Variants in SLC9A9 observed in about 807,000 individuals in gnomAD.
SLC9A9 encodes solute carrier family 9 member A9.
SLC9A9 carries 62 observed loss-of-function variants against 77.8 expected under a neutral mutation model. That is an observed-to-expected ratio of 0.80 (90% confidence interval 0.65 to 0.98). The LOEUF (loss-of-function observed/expected upper bound fraction) is 0.98. SLC9A9 is among the 50% of genes least tolerant of loss of function. SLC9A9 has a pLI of 0.00. For synonymous variants in SLC9A9, 320 were observed against 283.5 expected, an observed-to-expected ratio of 1.13 and a Z score of -1.29; for missense variants, 775 against 774.9, an observed-to-expected ratio of 1.00 and a Z score of 0.00.
chr3:143,697,244 C>T (rs1317043085), intron 4 of SLC9A9, among the ~76,000 whole-genome samples: 5 of 152,046 alleles, frequency 3.3e-5, no homozygotes, highest in Non-Finnish European at 7.4e-5. Flanking sequence ...ATGATTATAT[C>T]TAATTTTATA....
At chr3:143,722,966 C>A (rs772149894) in intron 4 of SLC9A9, among the ~76,000 whole-genome samples, 2 of 152,160 alleles carry the variant, frequency 1.3e-5, no homozygotes, top group Non-Finnish European at 2.9e-5. Context: ...CCAGTTGTAA[C>A]TTTCGCCAAT....
At chr3:143,464,152 G>T (rs2108566890) in intron 12 of SLC9A9, among the ~76,000 whole-genome samples, 1 of 152,280 alleles carries the variant, frequency 6.6e-6, no homozygotes, top group East Asian at 1.9e-4. Flanking sequence ...TTGTCTTCGT[G>T]TCTCTTGGGT....
At chr3:143,507,508 A>G (rs1334511380) in intron 9 of SLC9A9, among the ~76,000 whole-genome samples, 2 of 152,158 alleles carry the variant, frequency 1.3e-5, no homozygotes, top group African/African-American at 4.8e-5. Flanking sequence ...CGCCTGGCCC[A>G]GCCTCTCTCA....
intron 9 of SLC9A9, among the ~76,000 whole-genome samples, chr3:143,514,598 C>T (rs978959383): frequency 1.3e-5 from 2 of 152,356 alleles, no homozygotes; most frequent in Middle Eastern, 3.4e-3. Flanking sequence ...CTTGCTACAG[C>T]TTCTACATCA....
intron 14 of SLC9A9, among the ~76,000 whole-genome samples, chr3:143,340,539 A>G (rs2032065797): frequency 6.6e-6 from 1 of 151,980 alleles, no homozygotes; most frequent in African/African-American, 2.4e-5. Flanking sequence ...CATTGCAACC[A>G]CTCTATAGCT....
chr3:143,659,411 AC>A (rs1417219165), intron 5 of SLC9A9, among the ~76,000 whole-genome samples: 1 of 152,228 alleles, frequency 6.6e-6, no homozygotes, highest in East Asian at 1.9e-4. Flanking sequence ...GGCTTCCCAA[AC>A]AAATGTTTCT....
At chr3:143,819,467 G>A (rs143300658) in intron 2 of SLC9A9, among the ~76,000 whole-genome samples, 98 of 152,240 alleles carry the variant, frequency 6.4e-4, no homozygotes, top group African/African-American at 2.3e-3. Flanking sequence ...CAGAAGCCCT[G>A]GTCCTAATTG....
chr3:143,323,004 A>T (rs1372314801), intron 14 of SLC9A9, among the ~76,000 whole-genome samples: 1 of 152,228 alleles, frequency 6.6e-6, no homozygotes, highest in Non-Finnish European at 1.5e-5. Context: ...TAATCATCAG[A>T]GAAATGCAAA....
chr3:143,369,759 G>C (rs965900090), intron 13 of SLC9A9, among the ~76,000 whole-genome samples: 41 of 152,202 alleles, frequency 2.7e-4, no homozygotes, highest in African/African-American at 9.4e-4. Flanking sequence ...GAATATAGCA[G>C]AAATGATGGT....
chr3:143,315,209 C>T (rs533967842), intron 14 of SLC9A9, among the ~76,000 whole-genome samples: 18 of 152,298 alleles, frequency 1.2e-4, no homozygotes, highest in Middle Eastern at 3.4e-3. Flanking sequence ...CCAGTAAAGA[C>T]AAGTTGTAGT....
At chr3:143,393,056 G>A (rs1474835511) in intron 12 of SLC9A9, among the ~76,000 whole-genome samples, 2 of 152,114 alleles carry the variant, frequency 1.3e-5, no homozygotes, top group Non-Finnish European at 2.9e-5. Flanking sequence ...AGTTAACAAG[G>A]ATATCCAGGA....
chr3:143,424,226 C>T (rs2034361868), intron 12 of SLC9A9, among the ~76,000 whole-genome samples: 1 of 150,942 alleles, frequency 6.6e-6, no homozygotes. Context: ...AAGTGAACAA[C>T]TTACTGTGAA....
intron 9 of SLC9A9, among the ~76,000 whole-genome samples, chr3:143,543,872 A>G (rs1026021714): frequency 1.3e-5 from 2 of 152,146 alleles, no homozygotes; most frequent in African/African-American, 4.8e-5. Context: ...TTTTTCATAG[A>G]CTAATTTTCC....
intron 13 of SLC9A9, among the ~76,000 whole-genome samples, chr3:143,366,919 A>T (rs917278313): frequency 6.6e-6 from 1 of 152,202 alleles, no homozygotes; most frequent in East Asian, 1.9e-4. Flanking sequence ...GCAGGTATAC[A>T]TACCCCAAAA....
At chr3:143,477,705 A>G (rs2035503963) in intron 11 of SLC9A9, among the ~76,000 whole-genome samples, 1 of 152,154 alleles carries the variant, frequency 6.6e-6, no homozygotes. Flanking sequence ...AGAAGCTTAT[A>G]TTATCCTATG....
intron 1 of SLC9A9, among the ~76,000 whole-genome samples, chr3:143,846,165 G>C (rs1576768298): frequency 6.6e-6 from 1 of 152,246 alleles, no homozygotes; most frequent in South Asian, 2.1e-4. Context: ...AATTTTAGTA[G>C]GTTATCAAAA....
At chr3:143,784,703 A>G (rs999227960) in intron 4 of SLC9A9, among the ~76,000 whole-genome samples, 1 of 152,072 alleles carries the variant, frequency 6.6e-6, no homozygotes, top group Non-Finnish European at 1.5e-5. Context: ...GATATCTCTG[A>G]AGATATTTTA....
At chr3:143,607,517 T>G in intron 6 of SLC9A9, among the ~76,000 whole-genome samples, 1 of 152,150 alleles carries the variant, frequency 6.6e-6, no homozygotes. Flanking sequence ...TAAAGCATTT[T>G]AATTTATACA....
At chr3:143,670,315 T>G (rs1196219981) in intron 5 of SLC9A9, among the ~76,000 whole-genome samples, 1 of 152,220 alleles carries the variant, frequency 6.6e-6, no homozygotes, top group Non-Finnish European at 1.5e-5. Flanking sequence ...GGAGCCCTGA[T>G]GCAGTGCTGG....
Sources: allele counts gnomAD v4.1 joint callset (sites outside exome capture counted in the v4.1 genomes callset), GRCh38; gene constraint gnomAD v4.1.1; transcripts MANE v1.5; gene names NCBI Gene and HGNC (gene_info 2026-07-23, HGNC 2026-07-21).